Variants in CLEC18B observed in about 807,000 individuals in gnomAD.
The protein encoded by CLEC18B is mannose receptor-like 2.
A neutral mutation model predicts 60.4 loss-of-function variants in CLEC18B; 5 were observed. The ratio of observed to expected loss-of-function variants is 0.08; its 90% confidence interval spans 0.04 to 0.17. The LOEUF (loss-of-function observed/expected upper bound fraction) is 0.17, where lower values mean the gene tolerates loss of function less well. Ranked by LOEUF, CLEC18B falls within the 10% of genes least tolerant of loss-of-function variation. CLEC18B has a pLI of 1.00. For synonymous variants in CLEC18B, 16 were observed against 221.2 expected, an observed-to-expected ratio of 0.07 and a Z score of 8.23; for missense variants, 26 against 572.8, an observed-to-expected ratio of 0.05 and a Z score of 9.74.
chr16:74,417,394 T>C (rs1338494906), intron 3 of CLEC18B, among the ~76,000 whole-genome samples: 9 of 99,362 alleles, frequency 9.1e-5, no homozygotes, highest in African/African-American at 1.3e-4. Context: ...AGGCAGATCA[T>C]TTGAGGTCAG....
At chr16:74,419,080 C>T (rs1468649797) in intron 2 of CLEC18B, among the ~76,000 whole-genome samples, 1 of 152,188 alleles carries the variant, frequency 6.6e-6, no homozygotes, top group Non-Finnish European at 1.5e-5. Flanking sequence ...CAGGTGTGAG[C>T]CACCGTGCCC....
In CLEC18B at chr16:74,421,387, A is replaced by G. The variant is rs555081642; in HGVS notation, c.-117T>C. 8.8e-4 allele frequency: 1,405 copies of G among 1,602,702 alleles called. 19 individuals carry two copies. The South Asian group carries it at 8.8e-3, about 10-fold the overall frequency. Reference sequence around the variant, plus strand: ...AGGAGTCAGGCTGGGCTGGTGGACAAAAGAGGGGGGCTGGTGAACAAAAGA... The same window carrying G: ...AGGAGTCAGGCTGGGCTGGTGGACAGAAGAGGGGGGCTGGTGAACAAAAGA... On this transcript the variant is annotated 5_prime_UTR_variant, in exon 1 of 12. Coordinates refer to ENST00000682950, the MANE Select transcript of CLEC18B (RefSeq NM_001385193.1).
chr16:74,419,108 TA>T (rs1287230380), intron 2 of CLEC18B, among the ~76,000 whole-genome samples: 1 of 152,272 alleles, frequency 6.6e-6, no homozygotes, highest in African/African-American at 2.4e-5. Context: ...TCCCTCTTCT[TA>T]AACAAGGGGC....
rs770838988 is a variant in CLEC18B, at chr16:74,411,632, CCTAGGGGGTTCCTAGGAAG to C, written c.984+18_984+36del. On this transcript the variant is annotated intron_variant, in intron 8 of 11. Transcript: ENST00000682950. ...CTGCATTAAGACCCTCACTTGAGGCCCTAGGGGGTTCCTAGGAAGCTAGGGGTGACTGTCACCTGACATT... is the reference window on the plus strand; with the variant it reads ...CTGCATTAAGACCCTCACTTGAGGCCCTAGGGGTGACTGTCACCTGACATT... 2 of 1,326,932 alleles carry C rather than the reference CCTAGGGGGTTCCTAGGAAG, an allele frequency of 1.5e-6. No individual in the cohort carries two copies. Among genetic ancestry groups the C allele is most frequent in the Admixed American group, 3.4e-5 (2 of 58,732 alleles). The allele number at this position is 1,326,932 out of a possible 1,614,324, so 82.2% of individuals were successfully genotyped here. A position where few individuals can be genotyped will look rare whatever the true frequency, so the allele number is the denominator to read the frequency against.
At chr16:74,424,041 A>G (rs2013760450), upstream of CLEC18B, among the ~76,000 whole-genome samples, 1 of 152,218 alleles carries the variant, frequency 6.6e-6, no homozygotes, top group Admixed American at 6.5e-5. Flanking sequence ...AGGCTACTAC[A>G]GGGTTTACAT....
chr16:74,418,845 G>A (rs1467732677), intron 2 of CLEC18B, among the ~76,000 whole-genome samples: 1 of 145,728 alleles, frequency 6.9e-6, no homozygotes, highest in African/African-American at 2.6e-5. Context: ...CCAGGCTGGA[G>A]TGCAGTGGAG....
At chr16:74,422,737 T>C (rs2013731031), upstream of CLEC18B, among the ~76,000 whole-genome samples, 1 of 152,110 alleles carries the variant, frequency 6.6e-6, no homozygotes, top group African/African-American at 2.4e-5. Flanking sequence ...TAATCTCAGC[T>C]CACTGCAGCC....
intron 2 of CLEC18B, among the ~76,000 whole-genome samples, chr16:74,418,712 A>T (rs1239662612): frequency 6.6e-6 from 1 of 152,186 alleles, no homozygotes; most frequent in Non-Finnish European, 1.5e-5. Context: ...CCCTACAGCC[A>T]CACCTCTCTG....
At chr16:74,413,335 A>G (rs1446565520) in intron 4 of CLEC18B, among the ~76,000 whole-genome samples, 177 bp from the exon 5 acceptor site, 2 of 152,254 alleles carry the variant, frequency 1.3e-5, no homozygotes, top group African/African-American at 2.4e-5. Flanking sequence ...CTCCAAACCA[A>G]TCCTGGACAA....
intron 10 of CLEC18B, among the ~76,000 whole-genome samples, chr16:74,410,041 G>A (rs1345202964): frequency 3.9e-5 from 6 of 152,338 alleles, no homozygotes; most frequent in South Asian, 2.1e-4. Flanking sequence ...CCTCGCAGCC[G>A]GACCACCTCC....
chr16:74,413,787 G>A, intron 3 of CLEC18B, 111 bp from the exon 4 acceptor site: 1 of 1,597,486 alleles, frequency 6.3e-7, no homozygotes, highest in Non-Finnish European at 8.6e-7. Flanking sequence ...CTCTTCGAGG[G>A]CTCAGGAGCA....
rs148305014 is a variant in CLEC18B, at chr16:74,413,611, C to T, written c.522G>A (p.Ala174=). The T allele has an allele frequency of 2.7e-4, 429 of 1,613,658 alleles. No individual in the cohort carries two copies. The East Asian group carries it at 7.3e-3, about 28-fold the overall frequency. Residue 174 remains alanine (A), a synonymous_variant, in exon 4 of 12, where the codon GCG becomes GCA. Coordinates refer to ENST00000682950, the MANE Select transcript of CLEC18B (RefSeq NM_001385193.1). ...GRHLCSAGQT[A]IEAFVCAYSP... is the part of the protein sequence containing the mutation. Reference sequence around the variant, plus strand: ...AGTAGGCACAGACAAAGGCTTCTATCGCTGTCTGGCCTGCAGAGCACAGGT... The same window carrying T: ...AGTAGGCACAGACAAAGGCTTCTATTGCTGTCTGGCCTGCAGAGCACAGGT...
chr16:74,413,849 C>CTTTT (rs10676553), intron 3 of CLEC18B, among the ~76,000 whole-genome samples, 173 bp from the exon 4 acceptor site: 6,047 of 149,228 alleles, frequency 0.041, 8 homozygotes, highest in African/African-American at 0.1. Flanking sequence ...TTCAGGAAGG[C>CTTTT]TTATTTATTT....
chr16:74,422,179 C>T (rs536849141), upstream of CLEC18B: 79 of 152,052 alleles, frequency 5.2e-4, no homozygotes, highest in Admixed American at 1.5e-3. Context: ...GTGGCCCGGC[C>T]GTGGCTGGCG....
chr16:74,412,948 G>C, intron 5 of CLEC18B, 68 bp from the exon 6 acceptor site: 2 of 1,612,156 alleles, frequency 1.2e-6, no homozygotes, highest in Non-Finnish European at 1.7e-6. Flanking sequence ...GACCTCCCTG[G>C]GTGCTAAGGG....
At chr16:74,412,028 T>C (rs2013181613) in intron 7 of CLEC18B, 126 bp downstream of exon 7, 1 of 727,528 alleles carries the variant, frequency 1.4e-6, no homozygotes, top group Non-Finnish European at 2.5e-6. Flanking sequence ...AGTTTCAAGA[T>C]CTCAACGTGT....
intron 2 of CLEC18B, among the ~76,000 whole-genome samples, chr16:74,419,851 C>G (rs2013597640): frequency 6.6e-6 from 1 of 151,490 alleles, no homozygotes; most frequent in Admixed American, 6.6e-5. Context: ...CCCTGGCTCC[C>G]TGGCCTGCTA....
intron 3 of CLEC18B, among the ~76,000 whole-genome samples, chr16:74,414,395 C>T (rs1399544725): frequency 1.3e-5 from 2 of 152,212 alleles, no homozygotes; most frequent in East Asian, 3.9e-4. Flanking sequence ...TTCCTTGCTC[C>T]TTGAATCTGG....
chr16:74,416,336 G>T (rs1456832380), intron 3 of CLEC18B, among the ~76,000 whole-genome samples: 1 of 151,912 alleles, frequency 6.6e-6, no homozygotes, highest in Non-Finnish European at 1.5e-5. Context: ...TGCACAGTTG[G>T]CGTAAGCACT....
Sources: allele counts gnomAD v4.1 joint callset (sites outside exome capture counted in the v4.1 genomes callset), GRCh38; gene constraint gnomAD v4.1.1; transcripts MANE v1.5; gene names NCBI Gene and HGNC (gene_info 2026-07-23, HGNC 2026-07-21).